The following SORCS1 variants were observed in gnomAD, a reference collection of about 807,000 sequenced individuals.
The protein encoded by SORCS1 is sortilin related VPS10 domain containing receptor 1.
SORCS1 carries 60 observed loss-of-function variants against 146.1 expected under a neutral mutation model. The ratio of observed to expected loss-of-function variants is 0.41; its 90% CI spans 0.33 to 0.51. SORCS1 has a LOEUF of 0.51. SORCS1 is among the 20% of genes least tolerant of loss of function. The pLI is 0.21. For synonymous variants in SORCS1, 637 were observed against 584.0 expected (o/e 1.09, Z -1.31); for missense variants, 1,352 against 1,487.6 (o/e 0.91, Z 1.50).
At chr10:107,064,227 T>C (rs1961520383) in intron 1 of SORCS1, among the ~76,000 whole-genome samples, 1 of 152,158 alleles carries the variant, frequency 6.6e-6, no homozygotes, top group African/African-American at 2.4e-5. Flanking sequence ...AGCTGGGCCT[T>C]ACCTTCTTAG....
intron 12 of SORCS1, 62 bp downstream of exon 12, chr10:106,679,194 C>T: frequency 7.3e-7 from 1 of 1,373,240 alleles, no homozygotes; most frequent in Non-Finnish European, 1.0e-6. Context: ...CAGATTTGAA[C>T]CAAGCTGGGC....
At chr10:106,850,870 C>T (rs553769996) in intron 2 of SORCS1, among the ~76,000 whole-genome samples, 12 of 152,202 alleles carry the variant, frequency 7.9e-5, no homozygotes, top group African/African-American at 1.4e-4. Context: ...ACACGCCCTA[C>T]GGCCCTATTC....
At chr10:107,094,190 T>TA (rs1398400026) in intron 1 of SORCS1, among the ~76,000 whole-genome samples, 7 of 152,132 alleles carry the variant, frequency 4.6e-5, no homozygotes, top group Non-Finnish European at 7.4e-5. Context: ...CATTTTTTTT[T>TA]AATTCCCTCC....
intron 2 of SORCS1, among the ~76,000 whole-genome samples, chr10:106,908,307 C>T (rs190390393): frequency 9.2e-5 from 14 of 152,226 alleles, no homozygotes; most frequent in African/African-American, 2.6e-4. Flanking sequence ...GTCTTAAATA[C>T]GGGTTAGGAG....
chr10:106,915,593 T>A (rs1952383355), intron 2 of SORCS1, among the ~76,000 whole-genome samples: 1 of 152,260 alleles, frequency 6.6e-6, no homozygotes, highest in African/African-American at 2.4e-5. Context: ...GTCATTTCCA[T>A]TCCTCTTTCT....
chr10:107,058,271 G>A (rs1177718258), intron 1 of SORCS1, among the ~76,000 whole-genome samples: 1 of 151,928 alleles, frequency 6.6e-6, no homozygotes, highest in African/African-American at 2.4e-5. Flanking sequence ...TCGATCTCCC[G>A]ACCTCGTGAT....
At chr10:106,861,523 C>T (rs540630123) in intron 2 of SORCS1, among the ~76,000 whole-genome samples, 8 of 152,086 alleles carry the variant, frequency 5.3e-5, no homozygotes, top group Admixed American at 3.3e-4. Flanking sequence ...AAAATGTATT[C>T]TAGAAGGACA....
intron 3 of SORCS1, among the ~76,000 whole-genome samples, chr10:106,786,546 A>G (rs1031134688): frequency 6.6e-6 from 1 of 152,082 alleles, no homozygotes; most frequent in Non-Finnish European, 1.5e-5. Flanking sequence ...GCTTTGCATG[A>G]CCCATCCTTG....
chr10:106,912,416 G>C (rs1283623869), intron 2 of SORCS1, among the ~76,000 whole-genome samples: 2 of 152,094 alleles, frequency 1.3e-5, no homozygotes, highest in African/African-American at 4.8e-5. Flanking sequence ...TTGTTAAAGT[G>C]TGAATTTCTG....
chr10:106,613,219 T>G (rs1308255897), intron 21 of SORCS1, among the ~76,000 whole-genome samples: 1 of 152,176 alleles, frequency 6.6e-6, no homozygotes, highest in Non-Finnish European at 1.5e-5. Context: ...CTGAGTTAGT[T>G]TGGTTCTCCA....
At chr10:106,785,079 C>T (rs982759109) in intron 3 of SORCS1, among the ~76,000 whole-genome samples, 3 of 152,178 alleles carry the variant, frequency 2.0e-5, no homozygotes, top group Non-Finnish European at 4.4e-5. Flanking sequence ...CCAAAATACC[C>T]TGCTTTGGTA....
chr10:107,174,021 A>C, the SORCS1 span, among the ~76,000 whole-genome samples: 8 of 152,216 alleles, frequency 5.3e-5, no homozygotes, highest in African/African-American at 1.9e-4. Flanking sequence ...GTCAACTTCT[A>C]GGAATGATGG....
intron 3 of SORCS1, among the ~76,000 whole-genome samples, chr10:106,785,693 A>C (rs1946024845): frequency 6.6e-6 from 1 of 152,200 alleles, no homozygotes; most frequent in African/African-American, 2.4e-5. Context: ...TTGACTATTA[A>C]AGCTTTCCTG....
chr10:106,746,969 T>C (rs936751325), intron 5 of SORCS1, among the ~76,000 whole-genome samples: 4 of 152,232 alleles, frequency 2.6e-5, no homozygotes, highest in African/African-American at 9.6e-5. Flanking sequence ...CCCAAGTGCA[T>C]AAATATTCTA....
intron 21 of SORCS1, among the ~76,000 whole-genome samples, chr10:106,615,784 T>C (rs1221955595): frequency 1.3e-5 from 2 of 152,224 alleles, no homozygotes; most frequent in Non-Finnish European, 2.9e-5. Flanking sequence ...TATGATAACC[T>C]ATTTTTATAA....
intron 1 of SORCS1, among the ~76,000 whole-genome samples, chr10:107,094,165 A>T (rs1183815134): frequency 1.3e-5 from 2 of 152,128 alleles, no homozygotes; most frequent in East Asian, 3.9e-4. Context: ...AGAATATAAG[A>T]TCTATGAAGG....
At chr10:106,657,896 A>G (rs1398140065) in intron 17 of SORCS1, among the ~76,000 whole-genome samples, 2 of 152,060 alleles carry the variant, frequency 1.3e-5, no homozygotes, top group African/African-American at 4.8e-5. Flanking sequence ...ATTAAATGAG[A>G]CAATGCATTG....
chr10:106,699,881 C>T (rs1854005571), intron 8 of SORCS1, among the ~76,000 whole-genome samples: 1 of 152,108 alleles, frequency 6.6e-6, no homozygotes. Context: ...GAACCTTGGG[C>T]CTCACCTGGT....
At chr10:106,727,039 T>C (rs1430790659) in intron 6 of SORCS1, among the ~76,000 whole-genome samples, 1 of 149,858 alleles carries the variant, frequency 6.7e-6, no homozygotes, top group Non-Finnish European at 1.5e-5. Flanking sequence ...TGAGCCGAGA[T>C]AGTGCCACTG....
Sources: gnomAD v4.1 joint callset for allele counts (sites outside exome capture counted in the v4.1 genomes callset) on GRCh38, gnomAD v4.1.1 for gene constraint, MANE v1.5 for transcripts, NCBI Gene and HGNC (gene_info 2026-07-23, HGNC 2026-07-21) for gene names.